Variants in CDKAL1 observed in about 807,000 individuals in gnomAD.
CDKAL1 encodes CDKAL1 threonylcarbamoyladenosine tRNA methylthiotransferase, also known as threonylcarbamoyladenosine tRNA methylthiotransferase.
In CDKAL1, 32 loss-of-function variants were observed where a neutral mutation model predicts 68.2. The observed-to-expected ratio is 0.47, with a 90% CI of 0.35 to 0.63. The LOEUF (loss-of-function observed/expected upper bound fraction) is 0.63, where lower values mean the gene tolerates loss of function less well. Among genes scored for constraint, CDKAL1 ranks in the 30% least tolerant of loss-of-function variants. The probability of loss-of-function intolerance (pLI) is 0.00; values close to 1 mark genes in which losing one functional copy is unlikely to be tolerated. For missense variants in CDKAL1, 606 were observed against 696.7 expected (o/e 0.87, Z 1.47); for synonymous variants, 234 against 244.3 (o/e 0.96, Z 0.39).
At chr6:21,167,501 T>C (rs1420278139) in intron 13 of CDKAL1, among the ~76,000 whole-genome samples, 1 of 152,224 alleles carries the variant, frequency 6.6e-6, no homozygotes, top group Non-Finnish European at 1.5e-5. Flanking sequence ...TTAAATCATT[T>C]AGCCCATGTC....
At chr6:21,190,126 A>AG (rs1488786738) in intron 13 of CDKAL1, among the ~76,000 whole-genome samples, 12 of 151,908 alleles carry the variant, frequency 7.9e-5, no homozygotes, top group South Asian at 4.2e-4. Context: ...CAGGCAGCTT[A>AG]GGGGGGAAAA....
intron 10 of CDKAL1, among the ~76,000 whole-genome samples, chr6:20,974,978 CAAAA>C (rs11330322): frequency 4.8e-5 from 3 of 62,904 alleles, no homozygotes; most frequent in African/African-American, 6.4e-5. Flanking sequence ...GACCCTATCT[CAAAA>C]AAAAAAAAAA....
At chr6:21,156,409 G>C (rs994368127) in intron 13 of CDKAL1, among the ~76,000 whole-genome samples, 15 of 130,398 alleles carry the variant, frequency 1.2e-4, no homozygotes, top group African/African-American at 4.6e-4. Context: ...GGGTGACAGA[G>C]CGAGACCCTG....
chr6:20,812,401 C>T (rs1272584738), intron 8 of CDKAL1, among the ~76,000 whole-genome samples: 1 of 152,202 alleles, frequency 6.6e-6, no homozygotes, highest in South Asian at 2.1e-4. Context: ...ATTATTTTGA[C>T]ATGCTGTCAG....
chr6:21,198,132 T>C (rs1201201720), intron 14 of CDKAL1, 28 bp downstream of exon 14: 3 of 1,457,770 alleles, frequency 2.1e-6, no homozygotes, highest in South Asian at 2.5e-5. Flanking sequence ...ATTCTTGAGT[T>C]TTCTCCAAAG....
At chr6:20,608,196 G>A (rs1766416733) in intron 4 of CDKAL1, among the ~76,000 whole-genome samples, 1 of 152,134 alleles carries the variant, frequency 6.6e-6, no homozygotes, top group South Asian at 2.1e-4. Context: ...GAAGTATACA[G>A]CCAAAGTTGA....
intron 11 of CDKAL1, among the ~76,000 whole-genome samples, chr6:21,043,341 G>A (rs969062374): frequency 7.6e-6 from 1 of 130,720 alleles, no homozygotes; most frequent in Non-Finnish European, 1.7e-5. Flanking sequence ...GTATGTGTGT[G>A]TGTGTTTGTG....
intron 4 of CDKAL1, among the ~76,000 whole-genome samples, chr6:20,582,117 C>A (rs988947512): frequency 3.3e-5 from 5 of 151,990 alleles, no homozygotes; most frequent in Non-Finnish European, 7.4e-5. Flanking sequence ...TTTATGGAGA[C>A]CTTTACATTT....
chr6:20,824,753 G>T (rs1478469651), intron 8 of CDKAL1, among the ~76,000 whole-genome samples: 2 of 152,148 alleles, frequency 1.3e-5, no homozygotes, highest in Non-Finnish European at 2.9e-5. Context: ...TACACGTAGG[G>T]GGAAAGGATT....
intron 9 of CDKAL1, among the ~76,000 whole-genome samples, chr6:20,931,550 T>G (rs1763462729): frequency 6.6e-6 from 1 of 152,158 alleles, no homozygotes; most frequent in East Asian, 1.9e-4. Flanking sequence ...TTTCCAAAAA[T>G]GTGTGGTGGC....
intron 9 of CDKAL1, among the ~76,000 whole-genome samples, chr6:20,863,916 G>T (rs1759772987): frequency 6.6e-6 from 1 of 152,056 alleles, no homozygotes; most frequent in South Asian, 2.1e-4. Flanking sequence ...GTGCTTTTCA[G>T]ACTTGAAATA....
intron 11 of CDKAL1, among the ~76,000 whole-genome samples, chr6:21,035,353 C>G (rs1476629751): frequency 6.6e-6 from 1 of 152,092 alleles, no homozygotes; most frequent in African/African-American, 2.4e-5. Context: ...CATCTAGTCT[C>G]CTACCCTGCT....
intron 9 of CDKAL1, among the ~76,000 whole-genome samples, chr6:20,909,402 C>G (rs1292274654): frequency 2.6e-5 from 4 of 152,134 alleles, no homozygotes; most frequent in Non-Finnish European, 5.9e-5. Flanking sequence ...TCGAATTAAT[C>G]CAGTGAGTCT....
chr6:21,116,429 A>G (rs1388695596), intron 13 of CDKAL1, among the ~76,000 whole-genome samples: 1 of 152,234 alleles, frequency 6.6e-6, no homozygotes, highest in Non-Finnish European at 1.5e-5. Flanking sequence ...AGCTTTACAT[A>G]TGCACATAAC....
At chr6:20,748,555 G>GAAAAAAA (rs760404728) in intron 6 of CDKAL1, among the ~76,000 whole-genome samples, 1 of 28,768 alleles carries the variant, frequency 3.5e-5, no homozygotes, top group Non-Finnish European at 6.8e-5. Context: ...TCTGTTTCTG[G>GAAAAAAA]AAAAAAAAAA....
chr6:20,713,789 G>C (rs1771957078), intron 5 of CDKAL1, among the ~76,000 whole-genome samples: 1 of 151,870 alleles, frequency 6.6e-6, no homozygotes, highest in South Asian at 2.1e-4. Flanking sequence ...TTTATTTATA[G>C]AGCTTTCTAA....
rs554300150 is a variant in CDKAL1 at position 20,724,224 on chromosome 6, C to A, written c.372-15295C>A. On this transcript the variant is annotated intron_variant, in intron 5 of 15. Transcript: ENST00000274695. ...AAGTGCTGGGATTACAGGCATGAAC[C>A]ACCACCTCCAGCCACTTTTGTATTA... 7.4e-4 allele frequency among the ~76,000 whole-genome samples: 112 copies of A among 152,250 alleles called. 2 individuals carry two copies. Among genetic ancestry groups the A allele is most frequent in the Admixed American group, 5.8e-3 (89 of 15,288 alleles).
intron 9 of CDKAL1, among the ~76,000 whole-genome samples, chr6:20,870,368 C>T (rs1301972275): frequency 1.3e-5 from 2 of 152,196 alleles, no homozygotes; most frequent in East Asian, 1.9e-4. Context: ...CTTTGAATAA[C>T]CCTACTATAA....
intron 4 of CDKAL1, among the ~76,000 whole-genome samples, chr6:20,640,071 A>C (rs926705343): frequency 3.3e-5 from 5 of 150,964 alleles, no homozygotes; most frequent in Non-Finnish European, 5.9e-5. Context: ...GTAGGCAGTC[A>C]ATGATTTGTG....
Sources: gnomAD v4.1 joint callset for allele counts (sites outside exome capture counted in the v4.1 genomes callset) on GRCh38, gnomAD v4.1.1 for gene constraint, MANE v1.5 for transcripts, NCBI Gene and HGNC (gene_info 2026-07-23, HGNC 2026-07-21) for gene names.